The following GFRA2 variants were observed in gnomAD, a reference collection of about 807,000 sequenced individuals.
GFRA2 encodes the protein GDNF family receptor alpha-2.
In GFRA2, 17 loss-of-function variants were observed where a neutral mutation model predicts 48.3. That is an observed-to-expected ratio of 0.35 (90% confidence interval 0.24 to 0.53). The LOEUF (loss-of-function observed/expected upper bound fraction) is 0.53. Among genes scored for constraint, GFRA2 ranks in the 20% least tolerant of loss-of-function variants. The probability of loss-of-function intolerance (pLI) is 0.93; values close to 1 mark genes in which losing one functional copy is unlikely to be tolerated. For missense variants in GFRA2, 660 were observed against 637.3 expected (o/e 1.04, Z -0.38); for synonymous variants, 305 against 257.2 (o/e 1.19, Z -1.78).
At chr8:21,808,571 G>C (rs1037391076) in intron 1 of GFRA2, among the ~76,000 whole-genome samples, 2 of 152,248 alleles carry the variant, frequency 1.3e-5, no homozygotes, top group East Asian at 3.9e-4. Flanking sequence ...TTTCTTCTCC[G>C]CAGCTGAGCC....
chr8:21,727,749 C>G (rs1278600783), intron 4 of GFRA2, among the ~76,000 whole-genome samples: 3 of 152,218 alleles, frequency 2.0e-5, no homozygotes, highest in Non-Finnish European at 1.5e-5. Context: ...CCAGGCCAAT[C>G]ATCTGTCCTC....
intron 2 of GFRA2, among the ~76,000 whole-genome samples, chr8:21,800,466 G>A (rs1410795923): frequency 6.6e-6 from 1 of 152,236 alleles, no homozygotes; most frequent in Non-Finnish European, 1.5e-5. Flanking sequence ...ATCACAACCA[G>A]TCGCTTGGAG....
At chr8:21,724,493 C>G (rs1175392776) in intron 4 of GFRA2, among the ~76,000 whole-genome samples, 2 of 152,124 alleles carry the variant, frequency 1.3e-5, no homozygotes, top group Non-Finnish European at 2.9e-5. Context: ...CATTTGATAG[C>G]CTCCTCTGCA....
Position 21,782,804 on chromosome 8 carries a change from G to C in GFRA2, c.136C>G (p.Leu46Val). The C allele has an allele frequency of 6.3e-7, 1 of 1,580,768 alleles. No individual in the cohort carries two copies. The highest frequency in any genetic ancestry group is 8.6e-7 in the Non-Finnish European group (1 of 1,168,546). Residue 46 changes from leucine (L) to valine (V), a missense_variant, in exon 2 of 9, where the codon CTG (leucine) becomes GTG (valine). Leu to Val is a conservative substitution (Grantham distance 32, BLOSUM62 1). Transcript: ENST00000524240. The part of the protein sequence containing the change: ...PPVDCVRANE[L>V]CAAESNCSSR... ...CTGCAGTTGGATTCGGCGGCACACA[G>C]CTCATTGGCCCGGACACAGTCCACT...
chr8:21,722,971 C>G (rs1457031027), intron 4 of GFRA2, among the ~76,000 whole-genome samples: 1 of 152,150 alleles, frequency 6.6e-6, no homozygotes, highest in Non-Finnish European at 1.5e-5. Context: ...AGAGGGGACA[C>G]AGCAGACCAC....
intron 4 of GFRA2, among the ~76,000 whole-genome samples, chr8:21,730,199 G>A (rs1293379725): frequency 3.3e-5 from 5 of 152,146 alleles, no homozygotes; most frequent in African/African-American, 1.2e-4. Context: ...GAGATCAGGA[G>A]TTTGAGGCCA....
chr8:21,716,847 C>A (rs188057461), intron 4 of GFRA2, among the ~76,000 whole-genome samples: 94 of 152,330 alleles, frequency 6.2e-4, no homozygotes, highest in African/African-American at 2.2e-3. Flanking sequence ...AAGGACCTCC[C>A]GAAACATGCT....
intron 1 of GFRA2, among the ~76,000 whole-genome samples, chr8:21,787,283 G>T (rs1778920105): frequency 6.9e-6 from 1 of 145,528 alleles, no homozygotes; most frequent in South Asian, 2.3e-4. Context: ...AGTGGGGGGG[G>T]TTTGCAGAAG....
chr8:21,711,536 G>C lies in GFRA2; in HGVS notation c.795-5495C>G, dbSNP rs140381011. ...AAAGCAGCAGCAGGAGACAGAGAGA[G>C]AGAGAGACACTTGACCCCCAGTTGG... On this transcript the variant is annotated intron_variant, in intron 4 of 8. Coordinates refer to ENST00000524240, the MANE Select transcript of GFRA2 (RefSeq NM_001495.5). 2.5e-3 allele frequency among the ~76,000 whole-genome samples: 385 copies of C among 152,334 alleles called. 2 individuals carry two copies. Among genetic ancestry groups the C allele is most frequent in the Middle Eastern group, 3.4e-3 (1 of 294 alleles).
chr8:21,780,444 G>A (rs2117732434), intron 2 of GFRA2, among the ~76,000 whole-genome samples: 1 of 152,006 alleles, frequency 6.6e-6, no homozygotes, highest in South Asian at 2.1e-4. Context: ...CTCCCTGCAG[G>A]CTCCCTTCCC....
intron 3 of GFRA2, among the ~76,000 whole-genome samples, chr8:21,773,618 G>C (rs373729969): frequency 8.0e-4 from 122 of 152,288 alleles, no homozygotes; most frequent in Admixed American, 2.4e-3. Context: ...AAACCTTCAA[G>C]ACAAAATGTT....
chr8:21,796,354 T>G (rs997846708), intron 2 of GFRA2, among the ~76,000 whole-genome samples: 43 of 152,310 alleles, frequency 2.8e-4, no homozygotes, highest in African/African-American at 1.0e-3. Context: ...AGAGGGACAA[T>G]GACTCCTCCT....
intron 3 of GFRA2, among the ~76,000 whole-genome samples, chr8:21,762,243 A>G (rs1365674120): frequency 6.6e-6 from 1 of 151,964 alleles, no homozygotes; most frequent in Non-Finnish European, 1.5e-5. Context: ...ACACCATACC[A>G]TCTAGCTGGA....
At chr8:21,694,077 T>TTTATTTATATA (rs1802032776) in intron 8 of GFRA2, among the ~76,000 whole-genome samples, 1 of 109,294 alleles carries the variant, frequency 9.1e-6, no homozygotes, top group African/African-American at 3.2e-5. Context: ...TTATTTATTT[T>TTTATTTATATA]TATATATATA....
chr8:21,787,266 G>A (rs1287461190), intron 1 of GFRA2, among the ~76,000 whole-genome samples: 1 of 149,524 alleles, frequency 6.7e-6, no homozygotes, highest in African/African-American at 2.5e-5. Context: ...GAGGCGGCGG[G>A]GGGGGCAGTG....
intron 1 of GFRA2, among the ~76,000 whole-genome samples, chr8:21,809,058 G>A (rs1585356466): frequency 6.6e-6 from 1 of 152,200 alleles, no homozygotes; most frequent in Non-Finnish European, 1.5e-5. Flanking sequence ...TTTCAGAGTG[G>A]ATAAGGAGGG....
Position 21,714,416 on chromosome 8 carries a change from T to G in GFRA2, c.795-8375A>C, listed in dbSNP as rs919180575. Among the ~76,000 whole-genome samples the G allele has an allele frequency of 1.3e-4, 20 of 151,690 alleles. No individual in the cohort carries two copies. In the South Asian group the frequency reaches 4.2e-3, roughly 32 times the overall value. On this transcript the variant is annotated intron_variant, in intron 4 of 8. Coordinates refer to ENST00000524240, the MANE Select transcript of GFRA2 (RefSeq NM_001495.5). ...GGTATGCACCACCATGCCTGGCTAATTTTTTTTGTATTTTTAGTAGAGATA... is the reference window on the plus strand; with the variant it reads ...GGTATGCACCACCATGCCTGGCTAAGTTTTTTTGTATTTTTAGTAGAGATA...
intron 3 of GFRA2, among the ~76,000 whole-genome samples, chr8:21,753,005 T>C (rs1471807037): frequency 6.6e-6 from 1 of 152,120 alleles, no homozygotes; most frequent in Non-Finnish European, 1.5e-5. Context: ...TGTGCCCCCA[T>C]ACCCCACCCC....
At chr8:21,790,572 G>A (rs1378175125), upstream of GFRA2, among the ~76,000 whole-genome samples, 2 of 152,212 alleles carry the variant, frequency 1.3e-5, no homozygotes, top group Admixed American at 6.5e-5. Context: ...CACAGAGAGC[G>A]AGTCTCCTGT....
Sources: gnomAD v4.1 joint callset for allele counts (sites outside exome capture counted in the v4.1 genomes callset) on GRCh38, gnomAD v4.1.1 for gene constraint, MANE v1.5 for transcripts, NCBI Gene and HGNC (gene_info 2026-07-23, HGNC 2026-07-21) for gene names.